Variants in TBC1D22A observed in about 807,000 individuals in gnomAD.
The protein encoded by TBC1D22A is putative GTPase activator.
TBC1D22A carries 38 observed loss-of-function variants against 60.2 expected under a neutral mutation model. That is an observed-to-expected ratio of 0.63 (90% CI 0.49 to 0.83). The LOEUF is 0.83. Among genes scored for constraint, TBC1D22A ranks in the 40% least tolerant of loss-of-function variants. The probability of loss-of-function intolerance (pLI) is 0.00; values close to 1 mark genes in which losing one functional copy is unlikely to be tolerated. For synonymous variants in TBC1D22A, 302 were observed against 281.7 expected, an observed-to-expected ratio of 1.07 and a Z score of -0.72; for missense variants, 628 against 701.0, an observed-to-expected ratio of 0.90 and a Z score of 1.18.
At chr22:47,128,992 A>G (rs762500026) in intron 12 of TBC1D22A, among the ~76,000 whole-genome samples, 4 of 152,178 alleles carry the variant, frequency 2.6e-5, no homozygotes, top group Non-Finnish European at 4.4e-5. Flanking sequence ...AGCCGGGTGC[A>G]TGTCTACGAT....
At chr22:46,778,089 T>C (rs1217281006) in intron 1 of TBC1D22A, among the ~76,000 whole-genome samples, 1 of 152,102 alleles carries the variant, frequency 6.6e-6, no homozygotes, top group African/African-American at 2.4e-5. Context: ...AAAGATAAAA[T>C]GGCATACTCG....
intron 12 of TBC1D22A, among the ~76,000 whole-genome samples, chr22:47,147,272 G>A (rs956205794): frequency 3.3e-5 from 5 of 152,250 alleles, no homozygotes; most frequent in African/African-American, 1.2e-4. Flanking sequence ...CAGTTGCCAA[G>A]CACAGGCAAT....
At chr22:46,803,495 G>T (rs1007007796) in intron 4 of TBC1D22A, among the ~76,000 whole-genome samples, 5 of 152,340 alleles carry the variant, frequency 3.3e-5, no homozygotes, top group Admixed American at 3.3e-4. Context: ...GAGGGCGGTT[G>T]GTTCTTGCGA....
intron 12 of TBC1D22A, among the ~76,000 whole-genome samples, chr22:47,141,619 C>T (rs902774681): frequency 1.3e-5 from 2 of 152,184 alleles, no homozygotes; most frequent in African/African-American, 4.8e-5. Context: ...TTCCGGAAGG[C>T]CCTCCCAACT....
chr22:47,017,622 G>T (rs2061952528), intron 10 of TBC1D22A, among the ~76,000 whole-genome samples: 1 of 152,166 alleles, frequency 6.6e-6, no homozygotes. Context: ...CTCAGGCTTT[G>T]TGTGACCCAT....
At chr22:46,877,586 A>G (rs143355661) in intron 4 of TBC1D22A, among the ~76,000 whole-genome samples, 16 of 152,346 alleles carry the variant, frequency 1.1e-4, no homozygotes, top group African/African-American at 3.6e-4. Context: ...TGCTGCGACT[A>G]TCGCCCAATT....
intron 12 of TBC1D22A, among the ~76,000 whole-genome samples, chr22:47,154,870 C>T (rs188655952): frequency 2.3e-4 from 35 of 152,348 alleles, no homozygotes; most frequent in African/African-American, 6.3e-4. Flanking sequence ...CGTTTTCACT[C>T]GGGATCGCTG....
At chr22:47,099,491 G>T (rs980282992) in intron 11 of TBC1D22A, among the ~76,000 whole-genome samples, 6 of 151,354 alleles carry the variant, frequency 4.0e-5, no homozygotes, top group African/African-American at 1.5e-4. Flanking sequence ...TGTTGCCCAG[G>T]CTGGAGTGCA....
At chr22:46,827,685 T>C (rs1230053011) in intron 4 of TBC1D22A, among the ~76,000 whole-genome samples, 1 of 152,096 alleles carries the variant, frequency 6.6e-6, no homozygotes, top group East Asian at 1.9e-4. Flanking sequence ...AGCCTGGTGG[T>C]GTGAGTGAGG....
intron 11 of TBC1D22A, among the ~76,000 whole-genome samples, chr22:47,081,573 G>GA (rs1157934621): frequency 1.3e-5 from 2 of 152,074 alleles, no homozygotes; most frequent in African/African-American, 4.8e-5. Flanking sequence ...TATATAGATA[G>GA]AAAAAATTTA....
At chr22:47,020,606 T>C (rs1321299180) in intron 10 of TBC1D22A, among the ~76,000 whole-genome samples, 1 of 151,994 alleles carries the variant, frequency 6.6e-6, no homozygotes, top group Non-Finnish European at 1.5e-5. Context: ...AAGCTGGAGT[T>C]TGGGGGAATC....
chr22:46,878,750 C>T, intron 5 of TBC1D22A, 27 bp downstream of exon 5: 3 of 1,608,134 alleles, frequency 1.9e-6, no homozygotes, highest in South Asian at 1.1e-5. Flanking sequence ...CGCCCATCAG[C>T]GCCTCCTTCC....
intron 9 of TBC1D22A, among the ~76,000 whole-genome samples, chr22:46,976,639 G>A (rs2074307809): frequency 6.6e-6 from 1 of 152,164 alleles, no homozygotes; most frequent in South Asian, 2.1e-4. Context: ...TGGTCTTACT[G>A]TCTCCATTTC....
chr22:46,971,120 A>G lies in TBC1D22A; in HGVS notation c.1016-3170A>G, dbSNP rs561614318. ...AATCACCACGGGGGCTCTCTGAGTT[A>G]AATGCCATTACTTCATTACCTTGAA... On this transcript the variant is annotated intron_variant, in intron 8 of 12. Coordinates refer to ENST00000337137, the MANE Select transcript of TBC1D22A (RefSeq NM_014346.5). Among the ~76,000 whole-genome samples, 27 of 152,386 alleles carry G rather than the reference A, an allele frequency of 1.8e-4. No individual in the cohort carries two copies. The East Asian group carries it at 4.8e-3, about 27-fold the overall frequency.
chr22:46,768,055 G>A (rs2083345413), intron 1 of TBC1D22A: 1 of 153,024 alleles, frequency 6.5e-6, no homozygotes, highest in African/African-American at 2.4e-5. Context: ...CAGATTGGAG[G>A]CGTTGGGAGT....
chr22:46,825,212 G>A (rs145561680), intron 4 of TBC1D22A, among the ~76,000 whole-genome samples: 327 of 152,104 alleles, frequency 2.1e-3, no homozygotes, highest in African/African-American at 7.4e-3. Flanking sequence ...AAACATCCAC[G>A]TTCCCCCCAG....
chr22:47,172,054 A>AGCCCAGTGT lies in TBC1D22A; in HGVS notation c.1426-1441_1426-1440insCAGTGTGCC, dbSNP rs2068496384. ...GTGAGCCTACCCAGCACTCCCAGTG[A>AGCCCAGTGT]GCCTACCCAGCACTCCCAGTGAGCC... On this transcript the variant is annotated intron_variant, in intron 12 of 12. Transcript: ENST00000337137. Among the ~76,000 whole-genome samples the AGCCCAGTGT allele has an allele frequency of 1.7e-4, 20 of 119,574 alleles. 2 individuals are homozygous for AGCCCAGTGT. In the East Asian group the frequency reaches 7.0e-3, roughly 42 times the overall value. 78.4% of individuals were successfully genotyped at this position (119,574 alleles called of 152,430 possible).
intron 11 of TBC1D22A, among the ~76,000 whole-genome samples, chr22:47,043,353 C>T (rs2062913765): frequency 6.6e-6 from 1 of 152,092 alleles, no homozygotes; most frequent in African/African-American, 2.4e-5. Context: ...GGGCGACGGG[C>T]ACGAGGTCAG....
At chr22:47,052,173 A>T (rs555331377) in intron 11 of TBC1D22A, among the ~76,000 whole-genome samples, 1 of 152,366 alleles carries the variant, frequency 6.6e-6, no homozygotes, top group South Asian at 2.1e-4. Context: ...TTCTGGAGTT[A>T]GAGTGGGATG....
Sources: allele counts gnomAD v4.1 joint callset (sites outside exome capture counted in the v4.1 genomes callset), GRCh38; gene constraint gnomAD v4.1.1; transcripts MANE v1.5; gene names NCBI Gene and HGNC (gene_info 2026-07-23, HGNC 2026-07-21).